NDUFS8: variants seen among roughly 807,000 people sequenced by gnomAD.
NDUFS8 encodes the protein NADH:ubiquinone oxidoreductase core subunit S8, also known as NADH dehydrogenase [ubiquinone] iron-sulfur protein 8, mitochondrial.
NDUFS8 carries 13 observed loss-of-function variants against 25.6 expected under a neutral mutation model. That is an observed-to-expected ratio of 0.51 (90% CI 0.33 to 0.81). NDUFS8 has a LOEUF of 0.81. NDUFS8 is among the 30% of genes least tolerant of loss of function. NDUFS8 has a pLI of 0.02. For missense variants in NDUFS8, 257 were observed against 300.9 expected (o/e 0.85, Z 1.08); for synonymous variants, 119 against 119.4 (o/e 1.00, Z 0.02).
Position 68,033,137 on chromosome 11 carries a change from T to A in NDUFS8, c.226T>A (p.Phe76Ile). ...RGLGMTLSYLFREPATINYPF... is the reference protein window; with the variant it reads ...RGLGMTLSYLIREPATINYPF... ...CCTGGGCATGACCCTGAGCTACCTG[T>A]TCCGGGAACCGGCCACCATCAACTA... Residue 76 changes from phenylalanine (F) to isoleucine (I), a missense_variant, in exon 5 of 7, where the codon TTC becomes ATC. Phe to Ile is a conservative substitution (Grantham distance 21). Coordinates refer to ENST00000313468, the MANE Select transcript of NDUFS8 (RefSeq NM_002496.4). 6.2e-7 allele frequency: 1 copy of A among 1,612,894 alleles called. No homozygotes were observed. Among genetic ancestry groups the A allele is most frequent in the Non-Finnish European group, 8.5e-7 (1 of 1,179,792 alleles).
chr11:68,030,896 T>TCAGGGCGCCGGCCCTCAGGGCGCCGGCC, intron 1 of NDUFS8, 163 bp downstream of exon 1: 1 of 442,584 alleles, frequency 2.3e-6, no homozygotes. Flanking sequence ...GGGAGCCGGC[T>TCAGGGCGCCGGCCCTCAGGGCGCCGGCC]CTCAGGGCGC....
intron 5 of NDUFS8, 131 bp from the exon 6 acceptor site, chr11:68,036,122 C>G (rs751453392): frequency 1.3e-6 from 2 of 1,487,530 alleles, no homozygotes; most frequent in Non-Finnish European, 1.8e-6. Context: ...GCCTCTTAGC[C>G]GGAGTCCAGG....
At position 68,036,338 on chromosome 11, in the gene NDUFS8, G is replaced by C; in HGVS notation, c.458G>C (p.Cys153Ser). The stretch of plus-strand genomic sequence containing the variant: ...ATCGACATGACCAAGTGCATCTACT[G>C]CGGCTTCTGCCAGGAGGCCTGTCCC... ...YDIDMTKCIY[C>S]GFCQEACPVD... The change falls in exon 6 of 7, where the codon TGC becomes TCC. Residue 153 changes from cysteine (C) to serine (S), a missense_variant. Transcript: ENST00000313468. 6.2e-7 allele frequency: 1 copy of C among 1,613,778 alleles called. No individual in the cohort carries two copies. The highest frequency in any genetic ancestry group is 1.3e-5 in the African/African-American group (1 of 75,060).
intron 3 of NDUFS8, chr11:68,032,693 C>A: frequency 1.2e-6 from 1 of 825,700 alleles, no homozygotes; most frequent in Non-Finnish European, 1.9e-6. Flanking sequence ...GGAAGTGCGT[C>A]TGGGCTCCAA....
intron 5 of NDUFS8, chr11:68,035,778 G>A (rs780735683): frequency 4.4e-6 from 2 of 450,762 alleles, no homozygotes; most frequent in South Asian, 3.1e-5. Flanking sequence ...CCAGCACTTT[G>A]GGAGTCCAAG....
chr11:68,033,482 G>A, intron 5 of NDUFS8, 199 bp downstream of exon 5: 1 of 727,270 alleles, frequency 1.4e-6, no homozygotes, highest in Non-Finnish European at 2.4e-6. Flanking sequence ...TTGGCAGAGT[G>A]AAGCTTCCAG....
intron 5 of NDUFS8, chr11:68,034,103 C>T (rs762429709): frequency 1.3e-5 from 2 of 154,438 alleles, no homozygotes; most frequent in Non-Finnish European, 2.9e-5. Context: ...CACAACCCCT[C>T]GAGGAGGTCG....
chr11:68,031,757 G>A (rs1182006325), intron 1 of NDUFS8: 2 of 359,864 alleles, frequency 5.6e-6, no homozygotes, highest in East Asian at 7.1e-5. Flanking sequence ...ACGGTTCCTG[G>A]GGGAGGAGAG....
intron 3 of NDUFS8, 86 bp from the exon 4 acceptor site, chr11:68,032,837 G>A: frequency 7.5e-7 from 1 of 1,330,928 alleles, no homozygotes. Flanking sequence ...GCACCTGGAA[G>A]TGAGGGCCAG....
chr11:68,031,952 T>C (rs1854774382), intron 1 of NDUFS8, among the ~76,000 whole-genome samples, 200 bp from the exon 2 acceptor site: 1 of 152,214 alleles, frequency 6.6e-6, no homozygotes, highest in Admixed American at 6.5e-5. Context: ...AACTGAATTG[T>C]AGCTCAGCCA....
chr11:68,035,544 C>T (rs576127814), intron 5 of NDUFS8: 54 of 272,318 alleles, frequency 2.0e-4, no homozygotes, highest in Non-Finnish European at 2.9e-4. Flanking sequence ...TGCAGGGTTG[C>T]CCCAAACCTT....
chr11:68,035,911 C>G, intron 5 of NDUFS8: 2 of 371,424 alleles, frequency 5.4e-6, no homozygotes, highest in South Asian at 4.1e-5. Flanking sequence ...CCCAGCTACT[C>G]AGGGGGCTGA....
intron 5 of NDUFS8, chr11:68,033,773 C>G (rs1854821319): frequency 5.0e-6 from 1 of 201,780 alleles, no homozygotes; most frequent in South Asian, 7.5e-5. Flanking sequence ...GAGCTCTGGT[C>G]AGACCCCTGT....
intron 1 of NDUFS8, among the ~76,000 whole-genome samples, chr11:68,031,949 T>C (rs543518698): frequency 2.6e-5 from 4 of 152,300 alleles, no homozygotes; most frequent in East Asian, 3.9e-4. Context: ...AGAAACTGAA[T>C]TGTAGCTCAG....
intron 1 of NDUFS8, chr11:68,030,945 C>T (rs1237425179): frequency 6.8e-6 from 3 of 441,666 alleles, no homozygotes; most frequent in Non-Finnish European, 1.4e-5. Context: ...TAGTTAGGGT[C>T]GGAGATCACT....
At position 68,036,256 on chromosome 11, in the gene NDUFS8, A is replaced by G. The variant is rs1267270290; in HGVS notation, c.376A>G (p.Ile126Val). 8 of 1,612,594 alleles carry G rather than the reference A, an allele frequency of 5.0e-6. No individual in the cohort carries two copies. Among genetic ancestry groups the G allele is most frequent in the South Asian group, 2.2e-5 (2 of 91,068 alleles). Residue 126 changes from isoleucine to valine, a missense_variant, in exon 6 of 7, where the codon ATC (isoleucine) becomes GTC (valine). Ile to Val is a conservative substitution (Grantham distance 29). Transcript: ENST00000313468. ...TGTCTGGTGGCCCCTCCCGCAGGCC[A>G]TCACCATCGAGGCTGAGCCAAGAGC... Reference protein sequence around the residue: ...LCEAICPAQAITIEAEPRADG... With the variant: ...LCEAICPAQAVTIEAEPRADG...
At chr11:68,033,930 C>T (rs1293022214) in intron 5 of NDUFS8, 9 of 161,232 alleles carry the variant, frequency 5.6e-5, no homozygotes, top group South Asian at 3.4e-4. Context: ...CCATGAGCTG[C>T]GGCCCTGATG....
rs771753917 is a variant in NDUFS8, at chr11:68,033,229, C to T, written c.318C>T (p.Ser106=). The part of the protein sequence containing the change: ...RGEHALRRYP[S]GEERCIACKL... ...AGCATGCGCTGCGCCGGTACCCATCCGGGGAGGAGCGTTGCATTGCCTGCA... is the reference window on the plus strand; with the variant it reads ...AGCATGCGCTGCGCCGGTACCCATCTGGGGAGGAGCGTTGCATTGCCTGCA... The change falls in exon 5 of 7, where the codon TCC becomes TCT. Residue 106 remains serine (S), a synonymous_variant. Coordinates refer to ENST00000313468, the MANE Select transcript of NDUFS8 (RefSeq NM_002496.4). 5.1e-5 allele frequency: 82 copies of T among 1,611,412 alleles called. No homozygotes were observed. The highest frequency in any genetic ancestry group is 6.7e-5 in the East Asian group (3 of 44,848).
intron 1 of NDUFS8, chr11:68,030,983 G>C (rs549049143): frequency 2.2e-4 from 93 of 416,338 alleles, no homozygotes; most frequent in Non-Finnish European, 4.0e-4. Flanking sequence ...GCTGGGTTGG[G>C]TCCCTGGAAC....
Sources: gnomAD v4.1 joint callset for allele counts (sites outside exome capture counted in the v4.1 genomes callset) on GRCh38, gnomAD v4.1.1 for gene constraint, MANE v1.5 for transcripts, NCBI Gene and HGNC (gene_info 2026-07-23, HGNC 2026-07-21) for gene names.